The following CD109 variants were observed in gnomAD, a reference collection of about 807,000 sequenced individuals.
The protein encoded by CD109 is CD109 antigen.
CD109 carries 149 observed loss-of-function variants against 165.8 expected under a neutral mutation model. The observed-to-expected ratio is 0.90, with a 90% CI of 0.79 to 1.03. The LOEUF is 1.03. Among genes scored for constraint, CD109 ranks in the 50% least tolerant of loss-of-function variants. The pLI is 0.00. For missense variants in CD109, 1,712 were observed against 1,677.8 expected, an observed-to-expected ratio of 1.02 and a Z score of -0.36; for synonymous variants, 585 against 592.1, an observed-to-expected ratio of 0.99 and a Z score of 0.18.
rs138004810 is a variant in CD109, at chr6:73,771,124, G to C, written c.1675-305G>C. Among the ~76,000 whole-genome samples the C allele has an allele frequency of 1.1e-3, 168 of 152,310 alleles. 1 individual carries two copies. Among genetic ancestry groups the C allele is most frequent in the African/African-American group, 3.9e-3 (162 of 41,568 alleles). On this transcript the variant is annotated intron_variant, in intron 14 of 32. Transcript: ENST00000287097. ...GCCTTCCCCAGGTATGCTAGACACT[G>C]CTGTCTTCTACTCAGCACTGGCTGG...
Position 73,814,769 on chromosome 6 carries a change from T to C in CD109, c.3769-212T>C, listed in dbSNP as rs535531444. The stretch of plus-strand genomic sequence containing the variant: ...CTTGTTTTGGAATATTACTTAACAG[T>C]TTTCTCCATTTAAACATAATTTTAT... On this transcript the variant is annotated intron_variant, in intron 29 of 32. Coordinates refer to ENST00000287097, the MANE Select transcript of CD109 (RefSeq NM_133493.5). Among the ~76,000 whole-genome samples the C allele has an allele frequency of 2.6e-4, 40 of 152,278 alleles. No homozygotes were observed. The South Asian group carries it at 8.1e-3, about 31-fold the overall frequency.
chr6:73,811,536 A>G (rs1251797891), intron 28 of CD109, among the ~76,000 whole-genome samples: 2 of 152,188 alleles, frequency 1.3e-5, no homozygotes, highest in Non-Finnish European at 2.9e-5. Flanking sequence ...AGAGAGGTTA[A>G]GTGACTTGCT....
intron 3 of CD109, among the ~76,000 whole-genome samples, chr6:73,724,087 CTTT>C (rs1772054248): frequency 6.6e-6 from 1 of 152,082 alleles, no homozygotes; most frequent in South Asian, 2.1e-4. Context: ...ACTTCGACTT[CTTT>C]GTTTATAATT....
chr6:73,810,159 T>G lies in CD109; in HGVS notation c.3531T>G (p.Gly1177=). 3 of 1,598,948 alleles carry G rather than the reference T, an allele frequency of 1.9e-6. No individual in the cohort carries two copies. The highest frequency in any genetic ancestry group is 2.6e-6 in the Non-Finnish European group (3 of 1,174,948). The change falls in exon 27 of 33, where the codon GGT becomes GGG. Residue 1177 remains glycine (G), a synonymous_variant. Coordinates refer to ENST00000287097, the MANE Select transcript of CD109 (RefSeq NM_133493.5). Reference sequence around the variant, plus strand: ...GCAGGCAAAGAAATAGCTTGGGTGGTTTTGCATCTACTCAGGTGAGAGATG... The same window carrying G: ...GCAGGCAAAGAAATAGCTTGGGTGGGTTTGCATCTACTCAGGTGAGAGATG... The part of the protein sequence containing the change: ...WLSRQRNSLG[G]FASTQDTTVA...
In CD109 at chr6:73,811,131, TC is replaced by T. The variant is rs1775744550; in HGVS notation, c.3688del (p.Leu1230PhefsTer34). 6.2e-7 allele frequency: 1 copy of T among 1,612,886 alleles called. No individual in the cohort carries two copies. The highest frequency in any genetic ancestry group is 1.3e-5 in the African/African-American group (1 of 74,850). ...CTGATTGACACACACAACCGCTTAC[TC>T]CTTCAGACAGCAGAGGTGTGGGCAA... ...KFLIDTHNRL[L>X]LQTAELAVVQ... On this transcript the variant is annotated frameshift_variant, in exon 28 of 33. Transcript: ENST00000287097. LOFTEE classifies it high-confidence loss of function.
chr6:73,774,026 C>G (rs1469564212), intron 15 of CD109, among the ~76,000 whole-genome samples: 1 of 152,138 alleles, frequency 6.6e-6, no homozygotes, highest in Non-Finnish European at 1.5e-5. Flanking sequence ...TTTAATCTCT[C>G]ATATTGTGTC....
rs753560459 is a variant in CD109 at position 73,823,533 on chromosome 6, G to GT, written c.4238_4239insT (p.Arg1414ProfsTer4). On this transcript the variant is annotated frameshift_variant, in exon 33 of 33. Coordinates refer to ENST00000287097, the MANE Select transcript of CD109 (RefSeq NM_133493.5). LOFTEE classifies it low-confidence loss of function (END_TRUNC). ...GACCTTTGCAGTGATGTCCAGGGCTGCCGTCCTTGTGAGGATGGAGCTTCA... is the reference window on the plus strand; with the variant it reads ...GACCTTTGCAGTGATGTCCAGGGCTGTCCGTCCTTGTGAGGATGGAGCTTCA... 1 of 1,614,014 alleles carries GT rather than the reference G, an allele frequency of 6.2e-7. No homozygotes were observed. Among genetic ancestry groups the GT allele is most frequent in the South Asian group, 1.1e-5 (1 of 91,074 alleles).
chr6:73,705,419 C>A (rs184167151), intron 2 of CD109, among the ~76,000 whole-genome samples: 13 of 152,126 alleles, frequency 8.5e-5, no homozygotes, highest in African/African-American at 2.6e-4. Context: ...GTGAGCAGAT[C>A]GCTTGAGCTC....
Position 73,783,783 on chromosome 6 carries a change from T to C in CD109, c.2182T>C (p.Ser728Pro), listed in dbSNP as rs201754266. The change falls in exon 19 of 33, where the codon TCT (serine) becomes CCT (proline). Residue 728 changes from serine (S) to proline (P), a missense_variant. Ser to Pro is a moderately conservative substitution (Grantham distance 74). Transcript: ENST00000287097. ...TSWVATGFVI[S>P]EDLGLGLTTT... is the part of the protein sequence containing the mutation. ...TTGGGTGGCTACTGGTTTTGTGATC[T>C]CTGAGGACCTGGGTCTTGGACTAAC... 3 of 1,612,588 alleles carry C rather than the reference T, an allele frequency of 1.9e-6. No homozygotes were observed. The highest frequency in any genetic ancestry group is 2.5e-6 in the Non-Finnish European group (3 of 1,178,790).
At chr6:73,771,727 G>C (rs1377582850) in intron 15 of CD109, 146 bp downstream of exon 15, 2 of 535,520 alleles carry the variant, frequency 3.7e-6, no homozygotes, top group Non-Finnish European at 6.2e-6. Flanking sequence ...CAAATAAAAA[G>C]TAATCTGTAT....
chr6:73,685,015 CA>C, the CD109 span, among the ~76,000 whole-genome samples: 1 of 151,118 alleles, frequency 6.6e-6, no homozygotes, highest in South Asian at 2.1e-4. Flanking sequence ...CTCCCAGGTT[CA>C]AGTGATTTTC....
At chr6:73,816,172 C>T (rs1202033400) in intron 30 of CD109, among the ~76,000 whole-genome samples, 2 of 152,118 alleles carry the variant, frequency 1.3e-5, no homozygotes, top group African/African-American at 4.8e-5. Context: ...CCACATTTGT[C>T]CCATTCTTCA....
rs1281551729 is a variant in CD109 at position 73,780,515 on chromosome 6, A to G, written c.1902+17A>G. 2.6e-6 allele frequency: 4 copies of G among 1,519,596 alleles called. No homozygotes were observed. The Admixed American group carries it at 6.7e-5, about 26-fold the overall frequency. The allele number at this position is 1,519,596 out of a possible 1,614,324, so 94.1% of individuals were successfully genotyped here. Reference sequence around the variant, plus strand: ...GTCTTTCAGGTATGTTTTGCTTGCTATATTGAAAAGATATTAATATTTTTT... The same window carrying G: ...GTCTTTCAGGTATGTTTTGCTTGCTGTATTGAAAAGATATTAATATTTTTT... On this transcript the variant is annotated intron_variant, in intron 16 of 32. Transcript: ENST00000287097.
intron 30 of CD109, 71 bp downstream of exon 30, chr6:73,815,194 G>T (rs1016385690): frequency 1.6e-6 from 2 of 1,283,110 alleles, no homozygotes; most frequent in Non-Finnish European, 2.1e-6. Context: ...ATTATGTATA[G>T]TTGTCTATAT....
rs573233082 is a variant in CD109, at chr6:73,743,403, A to G, written c.633+6895A>G. On this transcript the variant is annotated intron_variant, in intron 5 of 32. Coordinates refer to ENST00000287097, the MANE Select transcript of CD109 (RefSeq NM_133493.5). The stretch of plus-strand genomic sequence containing the variant: ...CCCTGTATAATGAAACGGGTTATCA[A>G]ATTATTATGTAACTCAGAAGCAATC... 3.9e-5 allele frequency among the ~76,000 whole-genome samples: 6 copies of G among 152,304 alleles called. No homozygotes were observed. In the South Asian group the frequency reaches 6.2e-4, roughly 16 times the overall value.
rs73754667 is a variant in CD109 at position 73,731,877 on chromosome 6, T to C, written c.507+1303T>C. 8.1e-3 allele frequency among the ~76,000 whole-genome samples: 1,228 copies of C among 152,356 alleles called. 18 individuals carry two copies. Among genetic ancestry groups the C allele is most frequent in the African/African-American group, 0.028 (1,176 of 41,580 alleles). On this transcript the variant is annotated intron_variant, in intron 4 of 32. Transcript: ENST00000287097. ...TGTCTGGCACATAGTACATGCTCAC[T>C]AAACGTTAGCCATTATTATTATTTT...
chr6:73,731,865 G>A (rs1219628470), intron 4 of CD109, among the ~76,000 whole-genome samples: 1 of 152,200 alleles, frequency 6.6e-6, no homozygotes, highest in Non-Finnish European at 1.5e-5. Context: ...CTGGCACATA[G>A]TACATGCTCA....
intron 5 of CD109, among the ~76,000 whole-genome samples, chr6:73,737,204 A>C (rs1367480722): frequency 6.6e-6 from 1 of 152,248 alleles, no homozygotes; most frequent in Non-Finnish European, 1.5e-5. Context: ...GTGACATATA[A>C]ACATATAAGA....
chr6:73,766,608 G>C, intron 11 of CD109, 151 bp from the exon 12 acceptor site: 1 of 577,978 alleles, frequency 1.7e-6, no homozygotes, highest in Non-Finnish European at 3.1e-6. Flanking sequence ...GCTATAAAAT[G>C]ATGAAAATCC....
Sources: allele counts gnomAD v4.1 joint callset (sites outside exome capture counted in the v4.1 genomes callset), GRCh38; gene constraint gnomAD v4.1.1; transcripts MANE v1.5; gene names NCBI Gene and HGNC (gene_info 2026-07-23, HGNC 2026-07-21).